The following ADAM32 variants were observed in gnomAD, a reference collection of about 807,000 sequenced individuals.
ADAM32 encodes the protein ADAM metallopeptidase domain 32, also known as disintegrin and metalloproteinase domain-containing protein 32.
ADAM32 carries 89 observed loss-of-function variants against 114.9 expected under a neutral mutation model. The observed-to-expected ratio is 0.77, with a 90% CI of 0.65 to 0.92. The LOEUF (loss-of-function observed/expected upper bound fraction) is 0.92, where lower values mean the gene tolerates loss of function less well. Among genes scored for constraint, ADAM32 ranks in the 40% least tolerant of loss-of-function variants. The probability of loss-of-function intolerance (pLI) is 0.00; values close to 1 mark genes in which losing one functional copy is unlikely to be tolerated. For synonymous variants in ADAM32, 285 were observed against 307.5 expected (o/e 0.93, Z 0.77); for missense variants, 870 against 932.8 (o/e 0.93, Z 0.88).
chr8:39,151,307 TGGA>T, intron 5 of ADAM32, 67 bp from the exon 6 acceptor site: 7 of 1,318,958 alleles, frequency 5.3e-6, no homozygotes, highest in Admixed American at 6.7e-5. Flanking sequence ...TTTTTTCTTT[TGGA>T]TTTTGTCAGA....
chr8:39,243,461 G>T (rs1810696368), intron 16 of ADAM32, among the ~76,000 whole-genome samples: 1 of 152,260 alleles, frequency 6.6e-6, no homozygotes, highest in Admixed American at 6.5e-5. Context: ...TCATACCAGA[G>T]ATGCAAGTTT....
At chr8:39,192,160 C>T (rs1806653537) in intron 11 of ADAM32, among the ~76,000 whole-genome samples, 1 of 152,150 alleles carries the variant, frequency 6.6e-6, no homozygotes, top group African/African-American at 2.4e-5. Context: ...TCTAGATTTC[C>T]TAGCTTGTGT....
chr8:39,226,937 A>G (rs1273053798), intron 14 of ADAM32, among the ~76,000 whole-genome samples: 1 of 152,218 alleles, frequency 6.6e-6, no homozygotes, highest in Admixed American at 6.5e-5. Flanking sequence ...TGAAATAATT[A>G]TTACTATAAT....
chr8:39,283,558 TA>T, intron 23 of ADAM32, 27 bp from the exon 24 acceptor site: 1 of 1,562,352 alleles, frequency 6.4e-7, no homozygotes, highest in Non-Finnish European at 8.7e-7. Context: ...TATATCAGCC[TA>T]AAAATGTTAT....
chr8:39,117,694 TTGG>T (rs1840434659), intron 1 of ADAM32, among the ~76,000 whole-genome samples: 1 of 152,128 alleles, frequency 6.6e-6, no homozygotes, highest in Non-Finnish European at 1.5e-5. Context: ...ATTCTTTATC[TTGG>T]AAACCCAACA....
intron 14 of ADAM32, among the ~76,000 whole-genome samples, chr8:39,229,411 G>T (rs1258032095): frequency 6.6e-6 from 1 of 152,154 alleles, no homozygotes; most frequent in Non-Finnish European, 1.5e-5. Flanking sequence ...ACTGCAGAAT[G>T]TATAAAAACT....
At chr8:39,205,688 A>G (rs1233750498) in intron 11 of ADAM32, among the ~76,000 whole-genome samples, 2 of 152,244 alleles carry the variant, frequency 1.3e-5, no homozygotes, top group African/African-American at 4.8e-5. Flanking sequence ...TTTGAAATGC[A>G]GAAATCACCC....
chr8:39,157,970 A>G, intron 6 of ADAM32: 1 of 323,330 alleles, frequency 3.1e-6, no homozygotes, highest in Admixed American at 4.0e-5. Flanking sequence ...GCCCCAATAT[A>G]GGCAACCTTC....
At position 39,259,082 on chromosome 8, in the gene ADAM32, C is replaced by G. The variant is rs1237434998; in HGVS notation, c.2162+1739C>G. On this transcript the variant is annotated intron_variant, in intron 19 of 24. Transcript: ENST00000379907. The stretch of plus-strand genomic sequence containing the variant: ...ATGCACTAATGGAGTTCATTATGCT[C>G]ATATGCTTAATCCATGATGACATAT... Among the ~76,000 whole-genome samples, 4 of 151,624 alleles carry G rather than the reference C, an allele frequency of 2.6e-5. No individual in the cohort carries two copies. In the South Asian group the frequency reaches 8.3e-4, roughly 31 times the overall value.
rs890943789 is a variant in ADAM32 at position 39,284,841 on chromosome 8, TAAGAA to T, written c.*44_*48del. The stretch of plus-strand genomic sequence containing the variant: ...CAACGGATAACATCGAGAGTCTCGC[TAAGAA>T]ATGAAAATTCTGTCTTTCCTTCCGT... On this transcript the variant is annotated 3_prime_UTR_variant, in exon 25 of 25. Transcript: ENST00000379907. 8 of 1,609,560 alleles carry T rather than the reference TAAGAA, an allele frequency of 5.0e-6. No homozygotes were observed. In the African/African-American group the frequency reaches 8.0e-5, roughly 16 times the overall value.
intron 3 of ADAM32, among the ~76,000 whole-genome samples, chr8:39,140,891 G>A (rs751004971): frequency 6.6e-6 from 1 of 152,126 alleles, no homozygotes; most frequent in Non-Finnish European, 1.5e-5. Flanking sequence ...GCGGGTGCAC[G>A]TGTCCAGGAA....
Position 39,278,766 on chromosome 8 carries a change from T to C in ADAM32, c.2280-2370T>C, listed in dbSNP as rs141614008. 2.6e-5 allele frequency among the ~76,000 whole-genome samples: 4 copies of C among 152,244 alleles called. No individual in the cohort carries two copies. The East Asian group carries it at 7.7e-4, about 29-fold the overall frequency. On this transcript the variant is annotated intron_variant, in intron 22 of 24. Transcript: ENST00000379907. ...TGTTGAATCCATTGATTTTTCATTA[T>C]GGGTTTAGTTTCCTTTTTACAACCC... is the stretch of plus-strand genomic sequence containing the variant.
intron 16 of ADAM32, among the ~76,000 whole-genome samples, chr8:39,239,492 C>T (rs1243234844): frequency 7.2e-5 from 11 of 152,072 alleles, no homozygotes; most frequent in Non-Finnish European, 1.6e-4. Flanking sequence ...TTCACAGGGT[C>T]TCTAAAAACA....
At chr8:39,246,476 T>C (rs1810931748) in intron 17 of ADAM32, among the ~76,000 whole-genome samples, 2 of 152,256 alleles carry the variant, frequency 1.3e-5, no homozygotes, top group Admixed American at 1.3e-4. Flanking sequence ...GTAATTCCTG[T>C]GTCTGTGAAT....
intron 19 of ADAM32, among the ~76,000 whole-genome samples, chr8:39,261,596 G>A (rs1428024018): frequency 6.6e-6 from 1 of 152,162 alleles, no homozygotes; most frequent in Admixed American, 6.5e-5. Flanking sequence ...TGGTTCATAT[G>A]GTAGTTGCAT....
At chr8:39,130,317 A>C (rs1802367290) in intron 2 of ADAM32, among the ~76,000 whole-genome samples, 1 of 151,866 alleles carries the variant, frequency 6.6e-6, no homozygotes, top group South Asian at 2.1e-4. Flanking sequence ...AGGTTTGTCC[A>C]TTTTGTTGAT....
chr8:39,169,133 G>T (rs542543646), intron 9 of ADAM32: 4 of 152,204 alleles, frequency 2.6e-5, no homozygotes, highest in African/African-American at 7.2e-5. Context: ...TTCAAATTGA[G>T]AATTGAATTC....
chr8:39,238,639 GC>G (rs1462584396), intron 16 of ADAM32, among the ~76,000 whole-genome samples: 1 of 152,140 alleles, frequency 6.6e-6, no homozygotes, highest in Non-Finnish European at 1.5e-5. Context: ...ACTCAAGGAG[GC>G]ACCAGAGAAA....
chr8:39,274,933 G>A (rs1288904650), intron 21 of ADAM32, among the ~76,000 whole-genome samples: 2 of 152,164 alleles, frequency 1.3e-5, no homozygotes, highest in African/African-American at 2.4e-5. Flanking sequence ...GGAGTTCATG[G>A]GAAGCATGGA....
Sources: allele counts gnomAD v4.1 joint callset (sites outside exome capture counted in the v4.1 genomes callset), GRCh38; gene constraint gnomAD v4.1.1; transcripts MANE v1.5; gene names NCBI Gene and HGNC (gene_info 2026-07-23, HGNC 2026-07-21).